The following CLEC18C variants were observed in gnomAD, a reference collection of about 807,000 sequenced individuals.
CLEC18C encodes the protein C-type lectin domain family 18 member C, also known as mannose receptor-like 3.
In CLEC18C, 2 loss-of-function variants were observed where a neutral mutation model predicts 27.2. The observed-to-expected ratio is 0.07, with a 90% confidence interval of 0.03 to 0.23. The LOEUF is 0.23. Ranked by LOEUF, CLEC18C falls within the 10% of genes least tolerant of loss-of-function variation. The probability of loss-of-function intolerance (pLI) is 1.00; values close to 1 mark genes in which losing one functional copy is unlikely to be tolerated. For synonymous variants in CLEC18C, 13 were observed against 112.8 expected (o/e 0.12, Z 5.61); for missense variants, 31 against 269.0 (o/e 0.12, Z 6.19).
chr16:70,177,323 T>C lies in CLEC18C; in HGVS notation c.299T>C (p.Leu100Pro), dbSNP rs62052577. 0.3 allele frequency: 423,011 copies of C among 1,400,076 alleles called. 34,058 individuals are homozygous for C. The highest frequency in any genetic ancestry group is 0.31 in the Non-Finnish European group (324,077 of 1,029,408). The allele number at this position is 1,400,076 out of a possible 1,614,324, so 86.7% of individuals were successfully genotyped here. A position where few individuals can be genotyped will look rare whatever the true frequency, so the allele number is the denominator to read the frequency against. ...GIPTPSLASG[L>P]WRTLQVGWNM... The stretch of plus-strand genomic sequence containing the variant: ...CCAACCCCGAGCCTGGCGTCCGGCC[T>C]GTGGCGCACCCTGCAAGTGGGCTGG... Residue 100 changes from leucine to proline, a missense_variant, in exon 4 of 13, where the codon CTG (leucine) becomes CCG (proline). Physicochemically the swap from Leu to Pro is moderately conservative, Grantham distance 98. Transcript: ENST00000541793.
chr16:70,176,129 CTTTGGACACAG>C (rs1968280160), intron 3 of CLEC18C, among the ~76,000 whole-genome samples: 1 of 99,470 alleles, frequency 1.0e-5, no homozygotes, highest in African/African-American at 4.1e-5. Flanking sequence ...GGCACCCCTT[CTTTGGACACAG>C]TGGAGACTGA....
Position 70,174,199 on chromosome 16 carries a change from A to G in CLEC18C, c.-80A>G. 7.8e-7 allele frequency: 1 copy of G among 1,276,624 alleles called. No individual in the cohort carries two copies. Among genetic ancestry groups the G allele is most frequent in the Non-Finnish European group, 1.1e-6 (1 of 942,038 alleles). 79.1% of individuals were successfully genotyped at this position (1,276,624 alleles called of 1,614,324 possible). A position where few individuals can be genotyped will look rare whatever the true frequency, so the allele number is the denominator to read the frequency against. On this transcript the variant is annotated 5_prime_UTR_variant, in exon 2 of 13. Coordinates refer to ENST00000541793, the MANE Select transcript of CLEC18C (RefSeq NM_173619.4). The stretch of plus-strand genomic sequence containing the variant: ...CCAGCCTGACTCCTGGAGATTGTGA[A>G]TAGCTCCATCCAGCCTGAGAAACAA...
intron 4 of CLEC18C, among the ~76,000 whole-genome samples, chr16:70,180,674 TAG>T (rs1387671792): frequency 1.1e-5 from 1 of 89,460 alleles, no homozygotes; most frequent in African/African-American, 3.8e-5. Flanking sequence ...ATGTCATTTT[TAG>T]TCTCTACTGG....
At position 70,186,689 on chromosome 16, in the gene CLEC18C, T is replaced by G; in HGVS notation, c.*169T>G. ...GGGCAGAGAGAGGCAGGGAGGCCAG[T>G]GAGGGCCAGGGAGTGAGTGTTAGAA... On this transcript the variant is annotated 3_prime_UTR_variant, in exon 13 of 13. Coordinates refer to ENST00000541793, the MANE Select transcript of CLEC18C (RefSeq NM_173619.4). The G allele has an allele frequency of 4.2e-6, 2 of 481,580 alleles. No individual in the cohort carries two copies. The highest frequency in any genetic ancestry group is 7.4e-6 in the Non-Finnish European group (2 of 270,840). 29.8% of individuals were successfully genotyped at this position (481,580 alleles called of 1,614,324 possible). A position where few individuals can be genotyped will look rare whatever the true frequency, so the allele number is the denominator to read the frequency against.
intron 4 of CLEC18C, among the ~76,000 whole-genome samples, chr16:70,179,628 T>G (rs1162604621): frequency 6.8e-5 from 10 of 146,886 alleles, no homozygotes; most frequent in Admixed American, 3.4e-4. Context: ...TGTTGGTGGT[T>G]GTTTTTTGTT....
intron 11 of CLEC18C, chr16:70,185,628 AG>A: frequency 3.9e-6 from 2 of 511,504 alleles, no homozygotes; most frequent in Non-Finnish European, 6.1e-6. Flanking sequence ...TGTCTATTCC[AG>A]TCCCCACCAT....
At chr16:70,176,575 A>G (rs1271944865) in intron 3 of CLEC18C, among the ~76,000 whole-genome samples, 2 of 150,742 alleles carry the variant, frequency 1.3e-5, no homozygotes, top group Non-Finnish European at 2.9e-5. Context: ...CTAAAAATAC[A>G]AAAATTAGCC....
chr16:70,179,955 T>C (rs1968409268), intron 4 of CLEC18C, among the ~76,000 whole-genome samples: 1 of 125,094 alleles, frequency 8.0e-6, no homozygotes, highest in Non-Finnish European at 1.8e-5. Context: ...AGATCATTAA[T>C]TTTAAATCAT....
chr16:70,174,244 C>T lies in CLEC18C; in HGVS notation c.-35C>T. ...AAACAAGCCGGGTGGCTGAGCCAGG[C>T]TGTGCACGGAGTGCCTGACGGGCCC... On this transcript the variant is annotated 5_prime_UTR_variant, in exon 2 of 13. Coordinates refer to ENST00000541793, the MANE Select transcript of CLEC18C (RefSeq NM_173619.4). The T allele has an allele frequency of 3.1e-6, 4 of 1,311,268 alleles. 1 individual carries two copies. Among genetic ancestry groups the T allele is most frequent in the Non-Finnish European group, 4.2e-6 (4 of 958,204 alleles). The allele number at this position is 1,311,268 out of a possible 1,614,324, so 81.2% of individuals were successfully genotyped here. A position where few individuals can be genotyped will look rare whatever the true frequency, so the allele number is the denominator to read the frequency against.
At chr16:70,179,899 C>A (rs1158377937) in intron 4 of CLEC18C, among the ~76,000 whole-genome samples, 1 of 140,894 alleles carries the variant, frequency 7.1e-6, no homozygotes, top group East Asian at 2.1e-4. Context: ...TGAGCCACCA[C>A]GCCCAGCCTC....
rs1312750367 is a variant in CLEC18C at position 70,179,209 on chromosome 16, G to A, written c.456+1729G>A. 3.2e-4 allele frequency among the ~76,000 whole-genome samples: 42 copies of A among 129,694 alleles called. 1 individual carries two copies. Among genetic ancestry groups the A allele is most frequent in the Non-Finnish European group, 5.4e-4 (33 of 60,680 alleles). The allele number at this position is 129,694 out of a possible 152,430, so 85.1% of individuals were successfully genotyped here. A position where few individuals can be genotyped will look rare whatever the true frequency, so the allele number is the denominator to read the frequency against. On this transcript the variant is annotated intron_variant, in intron 4 of 12. Transcript: ENST00000541793. ...TGCTGCCAAAGTGCTTACGCCAACT[G>A]TGCAGACCAGCAAACCAGTTCCCAC...
Position 70,173,896 on chromosome 16 carries a change from C to T in CLEC18C, c.-162C>T. On this transcript the variant is annotated 5_prime_UTR_variant, in exon 1 of 13. Transcript: ENST00000541793. ...TCGGAGGACACTGTCCCAGCCAGGA[C>T]ACGGCCATCGGTCACTAATCTGCAG... 1 of 294,424 alleles carries T rather than the reference C, an allele frequency of 3.4e-6. No homozygotes were observed. Among genetic ancestry groups the T allele is most frequent in the African/African-American group, 2.3e-5 (1 of 43,052 alleles). The allele number at this position is 294,424 out of a possible 1,614,324, so 18.2% of individuals were successfully genotyped here. A position where few individuals can be genotyped will look rare whatever the true frequency, so the allele number is the denominator to read the frequency against.
chr16:70,176,570 A>C, intron 3 of CLEC18C, among the ~76,000 whole-genome samples: 1 of 150,820 alleles, frequency 6.6e-6, no homozygotes, highest in Non-Finnish European at 1.5e-5. Flanking sequence ...CTCTACTAAA[A>C]ATACAAAAAT....
intron 4 of CLEC18C, among the ~76,000 whole-genome samples, chr16:70,178,257 GTATT>G (rs1281538797): frequency 1.8e-5 from 2 of 111,912 alleles, no homozygotes; most frequent in Non-Finnish European, 1.8e-5. Flanking sequence ...AAACATAAAC[GTATT>G]TATTTATTTA....
At chr16:70,176,557 C>T (rs1252430995) in intron 3 of CLEC18C, among the ~76,000 whole-genome samples, 37 of 151,232 alleles carry the variant, frequency 2.4e-4, no homozygotes, top group Non-Finnish European at 4.7e-4. Context: ...GGTGAAACCC[C>T]GTCTCTACTA....
intron 4 of CLEC18C, among the ~76,000 whole-genome samples, chr16:70,179,522 A>G (rs1246193014): frequency 6.9e-6 from 1 of 145,724 alleles, no homozygotes; most frequent in Non-Finnish European, 1.5e-5. Flanking sequence ...TCGGCCTCCC[A>G]GAGTGCTGGG....
At chr16:70,179,461 A>G (rs1388998121) in intron 4 of CLEC18C, among the ~76,000 whole-genome samples, 4 of 126,838 alleles carry the variant, frequency 3.2e-5, no homozygotes, top group African/African-American at 1.4e-4. Context: ...ACAGGGTTTC[A>G]CCGTATTAGC....
Position 70,185,992 on chromosome 16 carries a change from A to G in CLEC18C, c.1303+16A>G, listed in dbSNP as rs1968460580. On this transcript the variant is annotated intron_variant, in intron 12 of 12. Coordinates refer to ENST00000541793, the MANE Select transcript of CLEC18C (RefSeq NM_173619.4). ...TGCCAGTTTGGTGAGGGACTTCCTGAGGCTCCCCTTCTCTGATCTCTGACC... is the reference window on the plus strand; with the variant it reads ...TGCCAGTTTGGTGAGGGACTTCCTGGGGCTCCCCTTCTCTGATCTCTGACC... The G allele has an allele frequency of 6.3e-7, 1 of 1,574,898 alleles. No individual in the cohort carries two copies. Among genetic ancestry groups the G allele is most frequent in the Non-Finnish European group, 8.6e-7 (1 of 1,161,932 alleles).
chr16:70,181,674 T>TAAATAAATAAATAAAA (rs60849704), intron 4 of CLEC18C, among the ~76,000 whole-genome samples, 176 bp from the exon 5 acceptor site: 10 of 9,334 alleles, frequency 1.1e-3, no homozygotes, highest in African/African-American at 6.4e-3. Flanking sequence ...AATAAATAAA[T>TAAATAAATAAATAAAA]AAGCCTTCCT....
Sources: allele counts gnomAD v4.1 joint callset (sites outside exome capture counted in the v4.1 genomes callset), GRCh38; gene constraint gnomAD v4.1.1; transcripts MANE v1.5; gene names NCBI Gene and HGNC (gene_info 2026-07-23, HGNC 2026-07-21).